Variants in PRDM16 observed in about 807,000 individuals in gnomAD.
PRDM16 encodes the protein histone-lysine N-methyltransferase PRDM16.
A neutral mutation model predicts 110.6 loss-of-function variants in PRDM16; 23 were observed. The observed-to-expected ratio is 0.21, with a 90% CI of 0.15 to 0.29. The LOEUF is 0.29. Among genes scored for constraint, PRDM16 ranks in the 10% least tolerant of loss-of-function variants. The pLI, the probability that PRDM16 is intolerant of heterozygous loss-of-function variation, is 1.00. For missense variants in PRDM16, 1,615 were observed against 1,794.3 expected (o/e 0.90, Z 1.81); for synonymous variants, 799 against 781.8 (o/e 1.02, Z -0.37).
chr1:3,321,853 TGTGA>T (rs369178865), intron 3 of PRDM16, among the ~76,000 whole-genome samples: 142 of 151,826 alleles, frequency 9.4e-4, no homozygotes, highest in African/African-American at 3.1e-3. Flanking sequence ...TGGGTCCGTG[TGTGA>T]GTGTGTGCAT....
chr1:3,221,675 C>T (rs1639153336), intron 2 of PRDM16, among the ~76,000 whole-genome samples: 1 of 152,186 alleles, frequency 6.6e-6, no homozygotes, highest in African/African-American at 2.4e-5. Flanking sequence ...AAATGTCCAC[C>T]CTGGGCATGT....
chr1:3,082,344 G>T (rs1379985163), intron 1 of PRDM16, among the ~76,000 whole-genome samples: 1 of 152,192 alleles, frequency 6.6e-6, no homozygotes. Flanking sequence ...GGTCTGCCTG[G>T]CCAATGTCAG....
At chr1:3,075,845 G>A (rs1389209213) in intron 1 of PRDM16, among the ~76,000 whole-genome samples, 1 of 152,376 alleles carries the variant, frequency 6.6e-6, no homozygotes, top group East Asian at 1.9e-4. Flanking sequence ...GCGGAGCAGT[G>A]GGTGCGGCGA....
At chr1:3,396,890 G>T (rs1297154920) in intron 5 of PRDM16, among the ~76,000 whole-genome samples, 1 of 152,216 alleles carries the variant, frequency 6.6e-6, no homozygotes, top group Non-Finnish European at 1.5e-5. Flanking sequence ...GTATCCAGTG[G>T]ATTATGTCTT....
At chr1:3,214,950 T>C (rs1263825132) in intron 2 of PRDM16, among the ~76,000 whole-genome samples, 18 of 152,168 alleles carry the variant, frequency 1.2e-4, no homozygotes, top group Admixed American at 1.0e-3. Flanking sequence ...CCCCAAACCT[T>C]CCTTTCAGGG....
In PRDM16 at chr1:3,175,075, C is replaced by A. The variant is rs903901375; in HGVS notation, c.38-11050C>A. On this transcript the variant is annotated intron_variant, in intron 1 of 16. Transcript: ENST00000270722. This position sits in a 1 kb window ranked among gnomAD's most constrained non-coding sequence, Gnocchi z 4.8. ...CCAGCGGCCAAGGCTCCTCCTAGCA[C>A]CATTTCCTGGAGTTACGACAGCTTT... Among the ~76,000 whole-genome samples the A allele has an allele frequency of 6.6e-6, 1 of 152,202 alleles. No individual in the cohort carries two copies. Among genetic ancestry groups the A allele is most frequent in the African/African-American group, 2.4e-5 (1 of 41,450 alleles).
intron 1 of PRDM16, among the ~76,000 whole-genome samples, chr1:3,103,986 A>G (rs1352928179): frequency 6.6e-6 from 1 of 152,182 alleles, no homozygotes; most frequent in African/African-American, 2.4e-5. Flanking sequence ...ATTTTTTAAA[A>G]CCCAGCAGCT....
Position 3,243,517 on chromosome 1 carries a change from C to A in PRDM16, c.388-570C>A, listed in dbSNP as rs1269232371. ...GCCGCTGTCTCCTGGGACCGCTGGGCAGAGTCCAGCTCCCCCCGACCTCTG... is the reference window on the plus strand; with the variant it reads ...GCCGCTGTCTCCTGGGACCGCTGGGAAGAGTCCAGCTCCCCCCGACCTCTG... On this transcript the variant is annotated intron_variant, in intron 2 of 16. Transcript: ENST00000270722. This position sits in a 1 kb window ranked among gnomAD's most constrained non-coding sequence, Gnocchi z 5.5. Among the ~76,000 whole-genome samples, 2 of 152,200 alleles carry A rather than the reference C, an allele frequency of 1.3e-5. No homozygotes were observed. Among genetic ancestry groups the A allele is most frequent in the Non-Finnish European group, 2.9e-5 (2 of 68,036 alleles).
chr1:3,382,048 G>A lies in PRDM16; in HGVS notation c.439-3104G>A, dbSNP rs529368260. 5.3e-5 allele frequency among the ~76,000 whole-genome samples: 8 copies of A among 152,326 alleles called. No homozygotes were observed. In the East Asian group the frequency reaches 5.8e-4, roughly 11 times the overall value. On this transcript the variant is annotated intron_variant, in intron 3 of 16. Coordinates refer to ENST00000270722, the MANE Select transcript of PRDM16 (RefSeq NM_022114.4). The surrounding 1 kb of genome is among the most constrained non-coding windows in gnomAD (Gnocchi z 6.6). ...GGCAGAGGAAGATGGCAGGGCTGCC[G>A]ACCACAGCTCTGGCTTGGCGGGCCT...
chr1:3,206,754 G>C lies in PRDM16; in HGVS notation c.387+20280G>C, dbSNP rs1266986041. On this transcript the variant is annotated intron_variant, in intron 2 of 16. Coordinates refer to ENST00000270722, the MANE Select transcript of PRDM16 (RefSeq NM_022114.4). This position sits in a 1 kb window ranked among gnomAD's most constrained non-coding sequence, Gnocchi z 4.9. ...GCGAGGCTGGCATGACAAAGAGTGA[G>C]CCACCCCATGAAATGGGCCCGGCAA... 6.6e-6 allele frequency: 1 copy of C among 152,238 alleles called. No homozygotes were observed. Among genetic ancestry groups the C allele is most frequent in the African/African-American group, 2.4e-5 (1 of 41,450 alleles). The allele number at this position is 152,238 out of a possible 1,614,324, so 9.4% of individuals were successfully genotyped here.
chr1:3,264,527 C>G (rs879892264), intron 3 of PRDM16, among the ~76,000 whole-genome samples: 7 of 149,812 alleles, frequency 4.7e-5, no homozygotes, highest in African/African-American at 1.2e-4. Context: ...ATCTGAGAAC[C>G]CCGGGCCAGG....
chr1:3,314,081 G>C lies in PRDM16; in HGVS notation c.438+69944G>C, dbSNP rs570811105. Among the ~76,000 whole-genome samples the C allele has an allele frequency of 2.0e-5, 3 of 151,524 alleles. No homozygotes were observed. In the East Asian group the frequency reaches 5.8e-4, roughly 30 times the overall value. Reference sequence around the variant, plus strand: ...GCCGTCCTTCCCCACCGGGGGGGGGGGCGGGAACATAAAATGGACCCAAGT... The same window carrying C: ...GCCGTCCTTCCCCACCGGGGGGGGGCGCGGGAACATAAAATGGACCCAAGT... On this transcript the variant is annotated intron_variant, in intron 3 of 16. Transcript: ENST00000270722.
At chr1:3,321,182 C>A (rs1183002476) in intron 3 of PRDM16, among the ~76,000 whole-genome samples, 1 of 152,154 alleles carries the variant, frequency 6.6e-6, no homozygotes, top group East Asian at 1.9e-4. Context: ...TGTGGAAGCT[C>A]CCTCAGAGAT....
At chr1:3,076,544 C>T (rs1203843183) in intron 1 of PRDM16, among the ~76,000 whole-genome samples, 1 of 152,190 alleles carries the variant, frequency 6.6e-6, no homozygotes, top group Non-Finnish European at 1.5e-5. Flanking sequence ...TGTCTGCTCT[C>T]AGCGTCCCCG....
intron 3 of PRDM16, among the ~76,000 whole-genome samples, chr1:3,314,288 G>T (rs1047624262): frequency 1.3e-5 from 2 of 152,140 alleles, no homozygotes; most frequent in African/African-American, 4.8e-5. Context: ...CACTCTGGGT[G>T]GCTCCTCTCA....
chr1:3,288,541 T>C (rs1640906306), intron 3 of PRDM16, among the ~76,000 whole-genome samples: 2 of 151,700 alleles, frequency 1.3e-5, no homozygotes, highest in Admixed American at 1.3e-4. Flanking sequence ...GGCAAAAGGG[T>C]CCTGTGGGCC....
At chr1:3,259,506 C>T (rs1640117431) in intron 3 of PRDM16, among the ~76,000 whole-genome samples, 1 of 152,174 alleles carries the variant, frequency 6.6e-6, no homozygotes, top group African/African-American at 2.4e-5. Context: ...TCTTCCCCTC[C>T]ACATAATCAT....
rs369010644 is a variant in PRDM16 at position 3,186,480 on chromosome 1, C to T, written c.387+6C>T. 7.4e-4 allele frequency: 1,100 copies of T among 1,480,554 alleles called. 8 individuals are homozygous for T. In the African/African-American group the frequency reaches 0.014, roughly 19 times the overall value. 91.7% of individuals were successfully genotyped at this position (1,480,554 alleles called of 1,614,324 possible). A position where few individuals can be genotyped will look rare whatever the true frequency, so the allele number is the denominator to read the frequency against. Reference sequence around the variant, plus strand: ...AGACAGACTTCGGATGGGAGGTGAGCGATCGCGCCTGAGTATGATTGATCA... The same window carrying T: ...AGACAGACTTCGGATGGGAGGTGAGTGATCGCGCCTGAGTATGATTGATCA... On this transcript the variant is annotated splice_donor_region_variant and intron_variant, in intron 2 of 16. Transcript: ENST00000270722.
chr1:3,404,633 G>A (rs957909620), intron 6 of PRDM16, 106 bp from the exon 7 acceptor site: 34 of 1,372,592 alleles, frequency 2.5e-5, no homozygotes, highest in Non-Finnish European at 3.1e-5. Flanking sequence ...TCGGCAGCGT[G>A]GTGGGGGCTC....
Sources: gnomAD v4.1 joint callset for allele counts (sites outside exome capture counted in the v4.1 genomes callset) on GRCh38, gnomAD v4.1.1 for gene constraint, Gnocchi (gnomAD v3.1) non-coding constraint, MANE v1.5 for transcripts, NCBI Gene and HGNC (gene_info 2026-07-23, HGNC 2026-07-21) for gene names.